The following DNAH12 variants were observed in gnomAD, a reference collection of about 807,000 sequenced individuals.
DNAH12 encodes axonemal beta dynein heavy chain 12.
DNAH12 carries 285 observed loss-of-function variants against 371.5 expected under a neutral mutation model. The observed-to-expected ratio is 0.77, with a 90% CI of 0.70 to 0.85. DNAH12 has a LOEUF of 0.85. Among genes scored for constraint, DNAH12 ranks in the 40% least tolerant of loss-of-function variants. DNAH12 has a pLI of 0.00. For synonymous variants in DNAH12, 1,200 were observed against 1,213.0 expected, an observed-to-expected ratio of 0.99 and a Z score of 0.22; for missense variants, 3,611 against 3,689.4, an observed-to-expected ratio of 0.98 and a Z score of 0.55.
intron 2 of DNAH12, among the ~76,000 whole-genome samples, chr3:57,540,531 G>T (rs778540017): frequency 6.6e-6 from 1 of 152,202 alleles, no homozygotes; most frequent in Non-Finnish European, 1.5e-5. Context: ...ACAGTGCAGT[G>T]AGGGAAATTG....
intron 30 of DNAH12, among the ~76,000 whole-genome samples, chr3:57,435,373 C>CAAAAAAAAAAAAAAAAAAAAAAAAA (rs34515598): frequency 4.2e-5 from 4 of 94,746 alleles, no homozygotes; most frequent in Admixed American, 1.4e-4. Flanking sequence ...CTCTGTCTCC[C>CAAAAAAAAAAAAAAAAAAAAAAAAA]AAAAAAAAAA....
At chr3:57,393,173 C>T in intron 44 of DNAH12, among the ~76,000 whole-genome samples, 1 of 152,248 alleles carries the variant, frequency 6.6e-6, no homozygotes, top group East Asian at 1.9e-4. Context: ...GCTGCCATTT[C>T]ATGGAAGAGA....
In DNAH12 at chr3:57,389,839, T is replaced by TATATATAAAA. The variant is rs1326237791; in HGVS notation, c.7305+2032_7305+2033insTTTTATATAT. ...GTGTGTGTGTATATATATATATATA[T>TATATATAAAA]AATACTTTTTTTTTTGAAATGGAGT... On this transcript the variant is annotated intron_variant, in intron 45 of 73. Transcript: ENST00000495027. Among the ~76,000 whole-genome samples the TATATATAAAA allele has an allele frequency of 1.0e-3, 85 of 84,864 alleles. 5 individuals carry two copies. The highest frequency in any genetic ancestry group is 1.8e-3 in the Non-Finnish European group (66 of 36,250). The allele number at this position is 84,864 out of a possible 152,430, so 55.7% of individuals were successfully genotyped here. A position where few individuals can be genotyped will look rare whatever the true frequency, so the allele number is the denominator to read the frequency against.
intron 59 of DNAH12, among the ~76,000 whole-genome samples, chr3:57,356,507 A>T (rs1245368169): frequency 6.6e-6 from 1 of 151,338 alleles, no homozygotes; most frequent in African/African-American, 2.4e-5. Context: ...GAAAAAAGAA[A>T]TGTGGGACTG....
intron 5 of DNAH12, among the ~76,000 whole-genome samples, chr3:57,509,861 TAAAAAAAAAAAA>T (rs902155403): frequency 1.7e-4 from 8 of 46,560 alleles, no homozygotes; most frequent in African/African-American, 3.7e-4. Context: ...GACTCCATCA[TAAAAAAAAAAAA>T]AAAAAAAAAA....
At chr3:57,506,088 T>C (rs2067749166) in intron 8 of DNAH12, among the ~76,000 whole-genome samples, 1 of 152,120 alleles carries the variant, frequency 6.6e-6, no homozygotes, top group African/African-American at 2.4e-5. Context: ...CTTAAAATGG[T>C]GACTCAGAAC....
chr3:57,425,158 A>C lies in DNAH12; in HGVS notation c.5254-17T>G. On this transcript the variant is annotated splice_polypyrimidine_tract_variant and intron_variant, in intron 34 of 73. Transcript: ENST00000495027. The stretch of plus-strand genomic sequence containing the variant: ...AATCAGTTCCTGCAAGGTGAAAATA[A>C]GATAACTTTCTTAATTTTCATCTTA... The C allele has an allele frequency of 1.5e-6, 1 of 681,492 alleles. No individual in the cohort carries two copies. The highest frequency in any genetic ancestry group is 1.6e-5 in the South Asian group (1 of 62,740). The allele number at this position is 681,492 out of a possible 1,614,324, so 42.2% of individuals were successfully genotyped here. A position where few individuals can be genotyped will look rare whatever the true frequency, so the allele number is the denominator to read the frequency against.
rs1452133962 is a variant in DNAH12, at chr3:57,468,942, T to C, written c.2143A>G (p.Ser715Gly). The C allele has an allele frequency of 1.3e-6, 2 of 1,511,314 alleles. No homozygotes were observed. The highest frequency in any genetic ancestry group is 2.9e-5 in the African/African-American group (2 of 69,874). 93.6% of individuals were successfully genotyped at this position (1,511,314 alleles called of 1,614,324 possible). ...AACTCTTCCACATCAGCCTCCATGCTTTCCCCATTGAGGTCCAAAAACCCT... is the reference window on the plus strand; with the variant it reads ...AACTCTTCCACATCAGCCTCCATGCCTTCCCCATTGAGGTCCAAAAACCCT... ...DGGFLDLNGE[S>G]MEADVEEFSR... is the part of the protein sequence containing the mutation. The change falls in exon 17 of 74, where the codon AGC (serine) becomes GGC (glycine). Residue 715 changes from serine (S) to glycine (G), a missense_variant. This residue lies in a region of DNAH12 where 1,314 missense variants were observed against 1,398.7 expected (regional missense o/e 0.94). Coordinates refer to ENST00000495027, the MANE Select transcript of DNAH12 (RefSeq NM_001366028.2).
chr3:57,446,068 C>T lies in DNAH12; in HGVS notation c.4142G>A (p.Gly1381Asp). Residue 1381 changes from glycine (G) to aspartate (D), a missense_variant, in exon 27 of 74, where the codon GGC becomes GAC. By Grantham distance (94) the Gly-to-Asp change is moderately conservative. This residue lies in a region of DNAH12 where 2,266 missense variants were observed against 2,236.9 expected (regional missense o/e 1.01). Coordinates refer to ENST00000495027, the MANE Select transcript of DNAH12 (RefSeq NM_001366028.2). ...CGGCAATTCAGAGCGTCCTGCATAGCCAGGATTCATGGTAATAGCTACAAA... is the reference window on the plus strand; with the variant it reads ...CGGCAATTCAGAGCGTCCTGCATAGTCAGGATTCATGGTAATAGCTACAAA... ...NCFVAITMNP[G>D]YAGRSELPDN... The T allele has an allele frequency of 6.4e-7, 1 of 1,551,568 alleles. No individual in the cohort carries two copies. The highest frequency in any genetic ancestry group is 1.2e-5 in the South Asian group (1 of 84,048).
chr3:57,350,900 C>G (rs1399704580), intron 60 of DNAH12, among the ~76,000 whole-genome samples: 2 of 152,142 alleles, frequency 1.3e-5, no homozygotes, highest in Non-Finnish European at 2.9e-5. Flanking sequence ...CATTAGTCAT[C>G]AGAGAAATAT....
chr3:57,449,700 G>T (rs1002394385), intron 25 of DNAH12, among the ~76,000 whole-genome samples: 8 of 152,168 alleles, frequency 5.3e-5, no homozygotes, highest in Admixed American at 1.3e-4. Flanking sequence ...AGCGCCGCAC[G>T]CAGCCTTGGT....
intron 36 of DNAH12, among the ~76,000 whole-genome samples, chr3:57,420,266 T>TA (rs776764407): frequency 1.3e-5 from 2 of 152,028 alleles, no homozygotes; most frequent in Non-Finnish European, 2.9e-5. Context: ...CACTGTTAAG[T>TA]AAAAAAAGTT....
At chr3:57,516,459 C>T (rs1434749743) in intron 4 of DNAH12, among the ~76,000 whole-genome samples, 1 of 152,128 alleles carries the variant, frequency 6.6e-6, no homozygotes, top group East Asian at 1.9e-4. Flanking sequence ...TGGTCCTCTC[C>T]CTACTCCAGC....
chr3:57,479,184 G>C (rs553980913), intron 13 of DNAH12, among the ~76,000 whole-genome samples: 5 of 152,016 alleles, frequency 3.3e-5, no homozygotes, highest in East Asian at 1.9e-4. Context: ...CCCATCTCAC[G>C]TGCAGAGACA....
intron 30 of DNAH12, among the ~76,000 whole-genome samples, chr3:57,434,866 G>A (rs1032907415): frequency 2.6e-5 from 4 of 151,962 alleles, no homozygotes; most frequent in African/African-American, 9.7e-5. Flanking sequence ...AAAGAAATGA[G>A]CCCAGAAAAA....
At chr3:57,400,046 T>C (rs2063825091) in intron 43 of DNAH12, among the ~76,000 whole-genome samples, 1 of 152,222 alleles carries the variant, frequency 6.6e-6, no homozygotes, top group Non-Finnish European at 1.5e-5. Flanking sequence ...CCCAGATCTC[T>C]GGGAGGCCAA....
At chr3:57,405,178 C>T (rs1553680678) in intron 41 of DNAH12, 31 bp from the exon 42 acceptor site, 2 of 1,462,326 alleles carry the variant, frequency 1.4e-6, no homozygotes, top group Non-Finnish European at 1.8e-6. Flanking sequence ...AATTTTAAAA[C>T]TTAAAACATT....
At position 57,381,872 on chromosome 3, in the gene DNAH12, TA is replaced by T. The variant is rs2063399446; in HGVS notation, c.7992+389del. ...ATGGAAGCAACTAGAACCATATATA[TA>T]TATTTTTTTTTTTAGCTGAAGTCTC... On this transcript the variant is annotated intron_variant, in intron 50 of 73. Coordinates refer to ENST00000495027, the MANE Select transcript of DNAH12 (RefSeq NM_001366028.2). 2.8e-4 allele frequency among the ~76,000 whole-genome samples: 14 copies of T among 50,780 alleles called. 1 individual carries two copies. The highest frequency in any genetic ancestry group is 4.4e-4 in the Non-Finnish European group (8 of 18,328). The allele number at this position is 50,780 out of a possible 152,430, so 33.3% of individuals were successfully genotyped here. A position where few individuals can be genotyped will look rare whatever the true frequency, so the allele number is the denominator to read the frequency against.
chr3:57,455,290 G>GT (rs11417638), intron 22 of DNAH12, among the ~76,000 whole-genome samples: 99,523 of 151,484 alleles, frequency 0.66, 32,985 homozygotes, highest in South Asian at 0.75. Flanking sequence ...TCAAGGCCAG[G>GT]GTGGTGACTG....
Sources: gnomAD v4.1 joint callset for allele counts (sites outside exome capture counted in the v4.1 genomes callset) on GRCh38, gnomAD v4.1.1 for gene constraint, gnomAD v4.1.1 regional missense constraint, MANE v1.5 for transcripts, NCBI Gene and HGNC (gene_info 2026-07-23, HGNC 2026-07-21) for gene names.